Variants in MYO10 observed in about 807,000 individuals in gnomAD.
MYO10 encodes unconventional myosin-X.
Under a neutral mutation model 257.3 loss-of-function variants are expected in MYO10, and 133 were observed. The observed-to-expected ratio is 0.52, with a 90% CI of 0.45 to 0.60. The LOEUF is 0.60. MYO10 is among the 20% of genes least tolerant of loss of function. The probability of loss-of-function intolerance (pLI) is 0.00; values close to 1 mark genes in which losing one functional copy is unlikely to be tolerated. For missense variants in MYO10, 2,399 were observed against 2,635.7 expected (o/e 0.91, Z 1.97); for synonymous variants, 1,104 against 1,028.6 (o/e 1.07, Z -1.40).
At chr5:16,675,733 G>C (rs765390817) in intron 34 of MYO10, among the ~76,000 whole-genome samples, 9 of 152,046 alleles carry the variant, frequency 5.9e-5, no homozygotes, top group Non-Finnish European at 1.2e-4. Flanking sequence ...GTAAGACTCT[G>C]TCTCAAAAAA....
chr5:16,701,437 C>T lies in MYO10; in HGVS notation c.2958G>A (p.Gln986=). The T allele has an allele frequency of 6.2e-7, 1 of 1,614,024 alleles. No individual in the cohort carries two copies. Among genetic ancestry groups the T allele is most frequent in the Non-Finnish European group, 8.5e-7 (1 of 1,179,902 alleles). ...CEEKPNFNFS[Q]PYPEEEVDEG... is the part of the protein sequence containing the mutation. Reference sequence around the variant, plus strand: ...CATCGACCTCCTCCTCTGGGTAGGGCTGGCTGAAGTTGAAGTTGGGCTTCT... The same window carrying T: ...CATCGACCTCCTCCTCTGGGTAGGGTTGGCTGAAGTTGAAGTTGGGCTTCT... Residue 986 remains glutamine, a synonymous_variant, in exon 25 of 41, where the codon CAG becomes CAA. Transcript: ENST00000513610. This position sits in a 1 kb window ranked among gnomAD's most constrained non-coding sequence, Gnocchi z 8.1.
chr5:16,719,989 C>CATGTGTGTGT (rs1554039263), intron 19 of MYO10, among the ~76,000 whole-genome samples: 1 of 143,442 alleles, frequency 7.0e-6, no homozygotes, highest in African/African-American at 2.6e-5. Context: ...TGTGTGCGTG[C>CATGTGTGTGT]GTGTGTGTGT....
chr5:16,848,156 T>TTTTTTTTTTTTTTC (rs1743694591), intron 2 of MYO10, among the ~76,000 whole-genome samples: 1 of 105,018 alleles, frequency 9.5e-6, no homozygotes, highest in African/African-American at 4.3e-5. Flanking sequence ...TACACATTTC[T>TTTTTTTTTTTTTTC]TTTTTTTTTT....
intron 17 of MYO10, among the ~76,000 whole-genome samples, 170 bp from the exon 18 acceptor site, chr5:16,758,396 C>T (rs1370626515): frequency 6.6e-6 from 1 of 152,160 alleles, no homozygotes; most frequent in Non-Finnish European, 1.5e-5. Flanking sequence ...TGCCAAAGAG[C>T]TTTAGGCACT....
At chr5:16,736,866 G>T (rs1230714624) in intron 19 of MYO10, among the ~76,000 whole-genome samples, 1 of 152,052 alleles carries the variant, frequency 6.6e-6, no homozygotes, top group African/African-American at 2.4e-5. Flanking sequence ...CAGCAAAGGG[G>T]ATTTGTTTTA....
chr5:16,771,280 A>C (rs903011168), intron 9 of MYO10, among the ~76,000 whole-genome samples: 1 of 152,158 alleles, frequency 6.6e-6, no homozygotes, highest in Admixed American at 6.5e-5. Flanking sequence ...TTAGCAAAAA[A>C]TTTCAGAATG....
chr5:16,666,576 T>G lies in MYO10; in HGVS notation c.*116A>C. On this transcript the variant is annotated 3_prime_UTR_variant, in exon 41 of 41. Transcript: ENST00000513610. ...AGACACCTCCCTCAGACCAGAAGCT[T>G]CCAGAAAGCCTGGGCAGCTCTGTGT... 1 of 820,438 alleles carries G rather than the reference T, an allele frequency of 1.2e-6. No homozygotes were observed. The highest frequency in any genetic ancestry group is 1.9e-6 in the Non-Finnish European group (1 of 535,938). 50.8% of individuals were successfully genotyped at this position (820,438 alleles called of 1,614,324 possible).
At chr5:16,743,857 T>G (rs931755294) in intron 19 of MYO10, among the ~76,000 whole-genome samples, 1 of 152,194 alleles carries the variant, frequency 6.6e-6, no homozygotes, top group South Asian at 2.1e-4. Flanking sequence ...ACTTTGGACT[T>G]TAATAATAAT....
Position 16,694,514 on chromosome 5 carries a change from G to C in MYO10, c.3657C>G (p.Leu1219=), listed in dbSNP as rs780175821. 1 of 1,613,802 alleles carries C rather than the reference G, an allele frequency of 6.2e-7. No homozygotes were observed. The highest frequency in any genetic ancestry group is 1.3e-5 in the African/African-American group (1 of 74,892). Reference sequence around the variant, plus strand: ...TGGAGGAGCCCCCCCCTTTTTTGTGGAGCCAGCCTTGCTTGAGGGCCTCCT... The same window carrying C: ...TGGAGGAGCCCCCCCCTTTTTTGTGCAGCCAGCCTTGCTTGAGGGCCTCCT... ...SKQEALKQGW[L]HKKGGGSSTL... Residue 1219 remains leucine, a synonymous_variant, in exon 27 of 41, where the codon CTC becomes CTG. Coordinates refer to ENST00000513610, the MANE Select transcript of MYO10 (RefSeq NM_012334.3).
intron 19 of MYO10, among the ~76,000 whole-genome samples, chr5:16,726,963 CAGA>C (rs1714608586): frequency 6.6e-6 from 1 of 152,178 alleles, no homozygotes; most frequent in Admixed American, 6.5e-5. Context: ...TTGCCAGTTA[CAGA>C]AGTTTACTAA....
chr5:16,822,650 T>A (rs1232122447), intron 2 of MYO10, among the ~76,000 whole-genome samples: 1 of 151,714 alleles, frequency 6.6e-6, no homozygotes. Context: ...AACACCTGAT[T>A]TAATTTGGAA....
chr5:16,676,643 G>A (rs1561172171), intron 33 of MYO10, among the ~76,000 whole-genome samples: 1 of 152,186 alleles, frequency 6.6e-6, no homozygotes, highest in Non-Finnish European at 1.5e-5. Context: ...TTGAACCCGG[G>A]AGGCGGAGGT....
At chr5:16,848,582 A>ACAT (rs1743710156) in intron 2 of MYO10, among the ~76,000 whole-genome samples, 1 of 151,900 alleles carries the variant, frequency 6.6e-6, no homozygotes, top group East Asian at 1.9e-4. Context: ...ACTTCTCCCA[A>ACAT]CATCACGTGG....
In MYO10 at chr5:16,847,645, G is replaced by A. The variant is rs138977368; in HGVS notation, c.121-29478C>T. ...CTTGGGAGGCTGAGGTGGGAGGATC[G>A]CTTGAGCTTAGGAGGTTGAGACTGG... On this transcript the variant is annotated intron_variant, in intron 2 of 40. Transcript: ENST00000513610. Among the ~76,000 whole-genome samples the A allele has an allele frequency of 5.6e-3, 849 of 152,196 alleles. 9 individuals carry two copies. The highest frequency in any genetic ancestry group is 0.019 in the African/African-American group (809 of 41,538).
At chr5:16,816,166 T>G (rs982963972) in intron 3 of MYO10, among the ~76,000 whole-genome samples, 1 of 151,696 alleles carries the variant, frequency 6.6e-6, no homozygotes, top group African/African-American at 2.4e-5. Flanking sequence ...CATGGTGACC[T>G]TGTCTCTACT....
intron 19 of MYO10, among the ~76,000 whole-genome samples, chr5:16,722,908 A>C (rs1739205910): frequency 6.6e-6 from 1 of 152,258 alleles, no homozygotes; most frequent in South Asian, 2.1e-4. Context: ...AGACTGAAAA[A>C]TATTTGGAAA....
At chr5:16,927,981 A>G (rs1390920893) in intron 1 of MYO10, among the ~76,000 whole-genome samples, 2 of 152,194 alleles carry the variant, frequency 1.3e-5, no homozygotes, top group African/African-American at 4.8e-5. Context: ...TTCCATGGGT[A>G]TCGATAAGCT....
At chr5:16,830,140 G>T (rs1233974273) in intron 2 of MYO10, among the ~76,000 whole-genome samples, 1 of 151,914 alleles carries the variant, frequency 6.6e-6, no homozygotes, top group Non-Finnish European at 1.5e-5. Context: ...GGAGGCTGAG[G>T]TTGACGAATT....
intron 2 of MYO10, among the ~76,000 whole-genome samples, chr5:16,818,831 G>C (rs1211073204): frequency 1.3e-5 from 2 of 151,960 alleles, no homozygotes; most frequent in Non-Finnish European, 2.9e-5. Context: ...CCATCTTTTG[G>C]GAATCACAGA....
Sources: allele counts gnomAD v4.1 joint callset (sites outside exome capture counted in the v4.1 genomes callset), GRCh38; gene constraint gnomAD v4.1.1; non-coding constraint Gnocchi (gnomAD v3.1); transcripts MANE v1.5; gene names NCBI Gene and HGNC (gene_info 2026-07-23, HGNC 2026-07-21).